The following PRUNE2 variants were observed in gnomAD, a reference collection of about 807,000 sequenced individuals.
The protein encoded by PRUNE2 is protein prune homolog 2.
PRUNE2 carries 164 observed loss-of-function variants against 252.0 expected under a neutral mutation model. The observed-to-expected ratio is 0.65, with a 90% CI of 0.57 to 0.74. The LOEUF (loss-of-function observed/expected upper bound fraction) is 0.74. PRUNE2 is among the 30% of genes least tolerant of loss of function. PRUNE2 has a pLI of 0.00. For synonymous variants in PRUNE2, 1,292 were observed against 1,350.2 expected (o/e 0.96, Z 0.94); for missense variants, 3,495 against 3,711.0 (o/e 0.94, Z 1.51).
chr9:76,713,682 C>T lies in PRUNE2; in HGVS notation c.796G>A (p.Ala266Thr), dbSNP rs199714998. ...FHSNITSDLK[A>T]FTDKFGFDVL... ...TCAAAACCAAACTTGTCTGTAAATG[C>T]TTTCAAGTCACTGGTAATATTGCTG... The change falls in exon 7 of 19, where the codon GCA becomes ACA. Residue 266 changes from alanine (A) to threonine (T), a missense_variant. Physicochemically the swap from Ala to Thr is moderately conservative, Grantham distance 58 (BLOSUM62 0). Transcript: ENST00000376718. The T allele has an allele frequency of 1.2e-5, 19 of 1,599,946 alleles. No individual in the cohort carries two copies. The African/African-American group carries it at 1.5e-4, about 12-fold the overall frequency.
chr9:76,745,467 G>C (rs901480395), intron 6 of PRUNE2, among the ~76,000 whole-genome samples: 1 of 152,144 alleles, frequency 6.6e-6, no homozygotes, highest in Admixed American at 6.5e-5. Flanking sequence ...TTTTCTGCAA[G>C]TCTGATGACT....
chr9:76,796,146 C>T (rs1490579191), intron 6 of PRUNE2, among the ~76,000 whole-genome samples: 1 of 152,106 alleles, frequency 6.6e-6, no homozygotes, highest in Non-Finnish European at 1.5e-5. Context: ...AAAATTTTGC[C>T]AGGTAAATTG....
chr9:76,702,215 C>A (rs1588686041), intron 9 of PRUNE2, among the ~76,000 whole-genome samples: 1 of 151,990 alleles, frequency 6.6e-6, no homozygotes, highest in East Asian at 1.9e-4. Context: ...GCTGCCACCA[C>A]CCCAGCTAAG....
intron 6 of PRUNE2, among the ~76,000 whole-genome samples, chr9:76,777,108 T>C (rs1292143910): frequency 6.6e-6 from 1 of 152,020 alleles, no homozygotes; most frequent in African/African-American, 2.4e-5. Context: ...GGTTGTATAT[T>C]GCTGAGAGAT....
At position 76,850,486 on chromosome 9, in the gene PRUNE2, A is replaced by G; in HGVS notation, c.321T>C (p.Leu107=). ...LNDEGKLSIT[L]VGSSVLASED... ...ACCTCGCCAGCACACTGCTGCCAAC[A>G]AGTGTTATCGATAACTTCCCTTCAT... Residue 107 remains leucine (L), a synonymous_variant, in exon 3 of 19, where the codon CTT becomes CTC. Transcript: ENST00000376718. 6.2e-7 allele frequency: 1 copy of G among 1,613,966 alleles called. No individual in the cohort carries two copies. Among genetic ancestry groups the G allele is most frequent in the Non-Finnish European group, 8.5e-7 (1 of 1,179,854 alleles).
At chr9:76,771,862 C>T (rs613664) in intron 6 of PRUNE2, among the ~76,000 whole-genome samples, 48,945 of 151,948 alleles carry the variant, frequency 0.32, 8,078 homozygotes, top group South Asian at 0.41. Context: ...AGACCACACC[C>T]TAAGTGAGAA....
chr9:76,814,881 G>A (rs879576786), intron 6 of PRUNE2, among the ~76,000 whole-genome samples: 2 of 152,002 alleles, frequency 1.3e-5, no homozygotes, highest in African/African-American at 2.4e-5. Context: ...CACTCACTAC[G>A]AGTCAACCGT....
Position 76,882,690 on chromosome 9 carries a change from G to A in PRUNE2, c.36+23238C>T, listed in dbSNP as rs1054073551. Among the ~76,000 whole-genome samples the A allele has an allele frequency of 3.3e-5, 5 of 152,154 alleles. No homozygotes were observed. In the East Asian group the frequency reaches 9.6e-4, roughly 29 times the overall value. ...CATGAGAACACACTCACTATCACAG[G>A]AGCCGTACCAGGGGATGGTACTAAA... On this transcript the variant is annotated intron_variant, in intron 1 of 18. Transcript: ENST00000376718.
intron 9 of PRUNE2, among the ~76,000 whole-genome samples, chr9:76,702,902 T>C (rs1454689192): frequency 6.6e-6 from 1 of 152,128 alleles, no homozygotes; most frequent in African/African-American, 2.4e-5. Flanking sequence ...TTATAGAAAA[T>C]TTCTGAGCCT....
At chr9:76,720,391 G>C (rs549580360) in intron 6 of PRUNE2, among the ~76,000 whole-genome samples, 3 of 152,168 alleles carry the variant, frequency 2.0e-5, no homozygotes, top group Non-Finnish European at 4.4e-5. Flanking sequence ...AAAGACCTAC[G>C]AGTCAGCCAA....
intron 9 of PRUNE2, among the ~76,000 whole-genome samples, chr9:76,688,219 C>T (rs1218440717): frequency 6.6e-6 from 1 of 152,140 alleles, no homozygotes; most frequent in East Asian, 1.9e-4. Flanking sequence ...AATAGGTACA[C>T]CTCAGTAGAT....
At chr9:76,877,512 A>T (rs1182810067) in intron 1 of PRUNE2, among the ~76,000 whole-genome samples, 1 of 152,102 alleles carries the variant, frequency 6.6e-6, no homozygotes, top group Non-Finnish European at 1.5e-5. Flanking sequence ...ACACACACAC[A>T]CACACACAAA....
chr9:76,700,675 C>A (rs2045802819), intron 9 of PRUNE2, among the ~76,000 whole-genome samples: 1 of 152,028 alleles, frequency 6.6e-6, no homozygotes, highest in African/African-American at 2.4e-5. Context: ...ATAATTTTTT[C>A]TTCTGACTAT....
chr9:76,713,803 T>A, intron 6 of PRUNE2, 82 bp from the exon 7 acceptor site: 1 of 981,376 alleles, frequency 1.0e-6, no homozygotes, highest in South Asian at 1.7e-5. Context: ...TCCAGTCTTA[T>A]GATGTATTTA....
rs1827536665 is a variant in PRUNE2 at position 76,611,833 on chromosome 9, TTTCTG to T, written c.*2732_*2736del. 6.6e-6 allele frequency: 1 copy of T among 152,596 alleles called. No homozygotes were observed. The highest frequency in any genetic ancestry group is 6.5e-5 in the Admixed American group (1 of 15,270). 9.5% of individuals were successfully genotyped at this position (152,596 alleles called of 1,614,324 possible). A position where few individuals can be genotyped will look rare whatever the true frequency, so the allele number is the denominator to read the frequency against. On this transcript the variant is annotated 3_prime_UTR_variant, in exon 19 of 19. Transcript: ENST00000376718. ...TCCTTGACACTATCTTCTGTGCAAA[TTTCTG>T]TTCTTTCTCTTAATCAAGGAGCTTT... is the stretch of plus-strand genomic sequence containing the variant.
intron 1 of PRUNE2, among the ~76,000 whole-genome samples, chr9:76,904,412 T>G (rs2063357888): frequency 6.6e-6 from 1 of 152,144 alleles, no homozygotes; most frequent in Non-Finnish European, 1.5e-5. Context: ...ATTGTGAAAA[T>G]ATTGATAAAT....
intron 6 of PRUNE2, among the ~76,000 whole-genome samples, chr9:76,727,843 T>C (rs1401556062): frequency 6.7e-6 from 1 of 148,686 alleles, no homozygotes; most frequent in Non-Finnish European, 1.5e-5. Flanking sequence ...CCTCCCCGAG[T>C]AACTGGGACT....
chr9:76,794,164 G>A (rs2055823288), intron 6 of PRUNE2, among the ~76,000 whole-genome samples: 1 of 152,178 alleles, frequency 6.6e-6, no homozygotes, highest in South Asian at 2.1e-4. Flanking sequence ...ACAATCCTAT[G>A]AACTAGGTTT....
At chr9:76,665,798 C>T (rs1230368027) in intron 9 of PRUNE2, among the ~76,000 whole-genome samples, 1 of 152,098 alleles carries the variant, frequency 6.6e-6, no homozygotes, top group East Asian at 1.9e-4. Context: ...CTTTGGGAGG[C>T]TGAGGTGGGC....
Sources: allele counts gnomAD v4.1 joint callset (sites outside exome capture counted in the v4.1 genomes callset), GRCh38; gene constraint gnomAD v4.1.1; transcripts MANE v1.5; gene names NCBI Gene and HGNC (gene_info 2026-07-23, HGNC 2026-07-21).